Variants in COL4A1 observed in about 807,000 individuals in gnomAD.
COL4A1 encodes collagen alpha-1(IV) chain.
A neutral mutation model predicts 216.6 loss-of-function variants in COL4A1; 40 were observed. The observed-to-expected ratio is 0.18, with a 90% CI of 0.14 to 0.24. The LOEUF is 0.24. Ranked by LOEUF, COL4A1 falls within the 10% of genes least tolerant of loss-of-function variation. The pLI, the probability that COL4A1 is intolerant of heterozygous loss-of-function variation, is 1.00. For synonymous variants in COL4A1, 839 were observed against 810.7 expected, an observed-to-expected ratio of 1.03 and a Z score of -0.59; for missense variants, 1,628 against 2,196.8, an observed-to-expected ratio of 0.74 and a Z score of 5.18.
At chr13:110,161,430 T>C in intron 48 of COL4A1, 61 bp from the exon 49 acceptor site, 1 of 1,536,996 alleles carries the variant, frequency 6.5e-7, no homozygotes, top group African/African-American at 1.4e-5. Context: ...TATCTCTATG[T>C]AAAGTGGATT....
At chr13:110,243,445 G>T (rs542800727) in intron 1 of COL4A1, among the ~76,000 whole-genome samples, 1 of 152,000 alleles carries the variant, frequency 6.6e-6, no homozygotes, top group African/African-American at 2.4e-5. Flanking sequence ...AGCATCCCAA[G>T]TAGCTGGTAA....
chr13:110,215,251 A>G (rs1158920425), intron 2 of COL4A1, among the ~76,000 whole-genome samples: 6 of 147,464 alleles, frequency 4.1e-5, no homozygotes, highest in African/African-American at 1.3e-4. Flanking sequence ...TTAATGAGAA[A>G]TGTCTTTCAA....
At chr13:110,171,990 G>A (rs1877664681) in intron 41 of COL4A1, among the ~76,000 whole-genome samples, 2 of 152,366 alleles carry the variant, frequency 1.3e-5, no homozygotes, top group East Asian at 3.9e-4. Flanking sequence ...GGCTGGTCTC[G>A]GGGAGAACCA....
intron 1 of COL4A1, among the ~76,000 whole-genome samples, chr13:110,301,525 C>G (rs1884492705): frequency 6.6e-6 from 1 of 152,152 alleles, no homozygotes; most frequent in Non-Finnish European, 1.5e-5. Flanking sequence ...ACTCCAAGCT[C>G]AAAGAGATTA....
At chr13:110,156,835 G>A (rs1876808038) in intron 49 of COL4A1, among the ~76,000 whole-genome samples, 1 of 152,206 alleles carries the variant, frequency 6.6e-6, no homozygotes, top group Non-Finnish European at 1.5e-5. Flanking sequence ...GAATAGGGCT[G>A]AATGAGTCAT....
chr13:110,169,496 T>TAACA (rs2139154104), intron 43 of COL4A1, 133 bp downstream of exon 43: 7 of 1,109,626 alleles, frequency 6.3e-6, no homozygotes, highest in Non-Finnish European at 8.3e-6. Context: ...TGTGGGAGTG[T>TAACA]AACACACACA....
chr13:110,217,872 C>T (rs1880165780), intron 2 of COL4A1, among the ~76,000 whole-genome samples: 1 of 152,188 alleles, frequency 6.6e-6, no homozygotes, highest in Non-Finnish European at 1.5e-5. Flanking sequence ...CATGGAGCAA[C>T]TTAAAATTCT....
chr13:110,239,607 G>A (rs979255877), intron 2 of COL4A1, among the ~76,000 whole-genome samples: 1 of 152,184 alleles, frequency 6.6e-6, no homozygotes, highest in African/African-American at 2.4e-5. Flanking sequence ...GCAGACTAGT[G>A]ATCTAAACCA....
chr13:110,175,807 T>A (rs1877854838), intron 36 of COL4A1, among the ~76,000 whole-genome samples: 1 of 152,208 alleles, frequency 6.6e-6, no homozygotes, highest in African/African-American at 2.4e-5. Flanking sequence ...CACATAGGCA[T>A]GACCAGCAAT....
At chr13:110,188,663 T>A (rs1475600103) in intron 24 of COL4A1, among the ~76,000 whole-genome samples, 1 of 152,182 alleles carries the variant, frequency 6.6e-6, no homozygotes. Flanking sequence ...TAAGGAGAGT[T>A]AGGGATGAGC....
intron 1 of COL4A1, among the ~76,000 whole-genome samples, chr13:110,290,745 G>A (rs1884049526): frequency 1.3e-5 from 2 of 152,244 alleles, no homozygotes; most frequent in Non-Finnish European, 2.9e-5. Flanking sequence ...AGCAAGTGGG[G>A]ACTGGAAAAG....
At chr13:110,158,223 T>C (rs1423980612) in intron 49 of COL4A1, among the ~76,000 whole-genome samples, 1 of 152,212 alleles carries the variant, frequency 6.6e-6, no homozygotes, top group Non-Finnish European at 1.5e-5. Flanking sequence ...ATAAAATAAG[T>C]TTTCTTATAG....
chr13:110,241,939 G>A (rs1359506305), intron 2 of COL4A1, among the ~76,000 whole-genome samples: 3 of 152,144 alleles, frequency 2.0e-5, no homozygotes, highest in African/African-American at 4.8e-5. Context: ...CCTGCTGTGC[G>A]CACCTGCACC....
At chr13:110,215,573 A>C (rs1203429954) in intron 2 of COL4A1, among the ~76,000 whole-genome samples, 1 of 126,952 alleles carries the variant, frequency 7.9e-6, no homozygotes, top group Non-Finnish European at 1.8e-5. Flanking sequence ...AAAAAAAAAA[A>C]AAACAACAAC....
chr13:110,240,472 G>T (rs541629217), intron 2 of COL4A1, among the ~76,000 whole-genome samples: 38 of 152,344 alleles, frequency 2.5e-4, no homozygotes, highest in African/African-American at 8.9e-4. Flanking sequence ...CCTCCCTCGG[G>T]ACACAACTTC....
chr13:110,214,650 G>A (rs1020401958), intron 2 of COL4A1, among the ~76,000 whole-genome samples: 1 of 152,122 alleles, frequency 6.6e-6, no homozygotes, highest in Non-Finnish European at 1.5e-5. Context: ...CCTGCCCTTG[G>A]ACATCAGAAC....
intron 1 of COL4A1, among the ~76,000 whole-genome samples, chr13:110,303,652 A>G (rs1294333751): frequency 6.6e-6 from 1 of 152,224 alleles, no homozygotes; most frequent in Non-Finnish European, 1.5e-5. Context: ...AGCCCCTCCC[A>G]GAAGTTTCCT....
At chr13:110,169,929 G>GGAGGGAGGAAGGGAGGA (rs1555302275) in intron 42 of COL4A1, among the ~76,000 whole-genome samples, 167 bp from the exon 43 acceptor site, 1 of 140,630 alleles carries the variant, frequency 7.1e-6, no homozygotes, top group Non-Finnish European at 1.5e-5. Context: ...AGGAAGGAAG[G>GGAGGGAGGAAGGGAGGA]AGGGAGGGAG....
chr13:110,228,111 C>A (rs1426041699), intron 2 of COL4A1, among the ~76,000 whole-genome samples: 1 of 152,094 alleles, frequency 6.6e-6, no homozygotes, highest in Non-Finnish European at 1.5e-5. Context: ...GGAAGCGCAG[C>A]TGGGCGGGAC....
Sources: gnomAD v4.1 joint callset for allele counts (sites outside exome capture counted in the v4.1 genomes callset) on GRCh38, gnomAD v4.1.1 for gene constraint, MANE v1.5 for transcripts, NCBI Gene and HGNC (gene_info 2026-07-23, HGNC 2026-07-21) for gene names.